The following ADAMTSL1 variants were observed in gnomAD, a reference collection of about 807,000 sequenced individuals.
ADAMTSL1 encodes the protein ADAMTS like 1.
A neutral mutation model predicts 201.8 loss-of-function variants in ADAMTSL1; 126 were observed. The observed-to-expected ratio is 0.62, with a 90% CI of 0.54 to 0.72. ADAMTSL1 has a LOEUF of 0.72. ADAMTSL1 is among the 30% of genes least tolerant of loss of function. The pLI, the probability that ADAMTSL1 is intolerant of heterozygous loss-of-function variation, is 0.00. For missense variants in ADAMTSL1, 2,679 were observed against 2,277.8 expected (o/e 1.18, Z -3.59); for synonymous variants, 1,121 against 903.4 (o/e 1.24, Z -4.32).
At chr9:18,565,073 A>G (rs1440234594) in intron 3 of ADAMTSL1, among the ~76,000 whole-genome samples, 1 of 152,230 alleles carries the variant, frequency 6.6e-6, no homozygotes, top group Non-Finnish European at 1.5e-5. Context: ...GGAAACATTA[A>G]AAACTAGCCT....
intron 1 of ADAMTSL1, among the ~76,000 whole-genome samples, chr9:17,936,128 C>T (rs1588442558): frequency 6.6e-6 from 1 of 152,156 alleles, no homozygotes; most frequent in Admixed American, 6.6e-5. Flanking sequence ...CATTTCTGCT[C>T]CCCTGATTTG....
At chr9:18,800,639 G>A (rs1360694884) in intron 20 of ADAMTSL1, among the ~76,000 whole-genome samples, 4 of 152,112 alleles carry the variant, frequency 2.6e-5, no homozygotes, top group Non-Finnish European at 4.4e-5. Context: ...CTCCCCAGTT[G>A]ACTAGAGGAA....
intron 2 of ADAMTSL1, among the ~76,000 whole-genome samples, chr9:18,207,945 T>C (rs548731610): frequency 6.7e-4 from 102 of 152,258 alleles, no homozygotes; most frequent in Non-Finnish European, 1.4e-3. Flanking sequence ...CTGTCTTGTA[T>C]GTCAGGAGCG....
chr9:18,902,852 A>AGACTC (rs978803341), intron 26 of ADAMTSL1, among the ~76,000 whole-genome samples: 44 of 152,336 alleles, frequency 2.9e-4, no homozygotes, highest in African/African-American at 9.9e-4. Context: ...AAAAGAGAGA[A>AGACTC]GACTCGAATT....
chr9:18,730,626 G>C (rs1313522020), intron 15 of ADAMTSL1, among the ~76,000 whole-genome samples: 1 of 152,186 alleles, frequency 6.6e-6, no homozygotes, highest in Non-Finnish European at 1.5e-5. Context: ...AGTGCACTTA[G>C]GTGTTTATGT....
intron 2 of ADAMTSL1, among the ~76,000 whole-genome samples, chr9:18,338,020 T>C: frequency 6.6e-6 from 1 of 152,080 alleles, no homozygotes; most frequent in East Asian, 1.9e-4. Context: ...GGAGAAAGAT[T>C]ATTTAGGATC....
chr9:18,760,409 C>T (rs1221133987), intron 16 of ADAMTSL1, among the ~76,000 whole-genome samples: 2 of 152,112 alleles, frequency 1.3e-5, no homozygotes, highest in African/African-American at 4.8e-5. Flanking sequence ...CACAGGTTCT[C>T]TCTTCAAGCC....
chr9:18,686,486 A>AG (rs981235093), intron 13 of ADAMTSL1, among the ~76,000 whole-genome samples: 2 of 152,124 alleles, frequency 1.3e-5, no homozygotes, highest in Non-Finnish European at 1.5e-5. Context: ...AGTTCTTTTT[A>AG]GGGGGGCATT....
chr9:18,283,325 C>G (rs1342613223), intron 2 of ADAMTSL1, among the ~76,000 whole-genome samples: 1 of 152,032 alleles, frequency 6.6e-6, no homozygotes, highest in Non-Finnish European at 1.5e-5. Flanking sequence ...CTATCTTTAA[C>G]CAGGTGTAGT....
chr9:18,504,720 C>G, intron 1 of ADAMTSL1, 109 bp from the exon 2 acceptor site: 1 of 1,482,652 alleles, frequency 6.7e-7, no homozygotes, highest in Non-Finnish European at 9.3e-7. Flanking sequence ...CGTTTTCATT[C>G]CTAGCAAAGC....
chr9:18,047,503 AG>A (rs1327454950), intron 1 of ADAMTSL1, among the ~76,000 whole-genome samples: 1 of 152,160 alleles, frequency 6.6e-6, no homozygotes, highest in Non-Finnish European at 1.5e-5. Context: ...ATCAGAAGGT[AG>A]TGACTGCAAG....
Position 18,777,785 on chromosome 9 carries a change from G to C in ADAMTSL1, c.3556G>C (p.Gly1186Arg). ...LSASEVVTHL[G>R]QTVALASGTL... The stretch of plus-strand genomic sequence containing the variant: ...AGCCTCGGAGGTGGTCACCCACCTG[G>C]GGCAGACGGTGGCCCTGGCCAGCGG... The change falls in exon 19 of 29, where the codon GGG becomes CGG. Residue 1186 changes from glycine to arginine, a missense_variant. Transcript: ENST00000380548. 1 of 1,613,776 alleles carries C rather than the reference G, an allele frequency of 6.2e-7. No individual in the cohort carries two copies. Among genetic ancestry groups the C allele is most frequent in the Non-Finnish European group, 8.5e-7 (1 of 1,179,844 alleles).
intron 2 of ADAMTSL1, among the ~76,000 whole-genome samples, chr9:18,404,414 C>T (rs867163422): frequency 2.0e-4 from 31 of 152,244 alleles, no homozygotes; most frequent in African/African-American, 7.5e-4. Flanking sequence ...TCAAAGAATG[C>T]AGGTTTTACG....
chr9:18,187,937 G>A (rs1435676896), intron 2 of ADAMTSL1, among the ~76,000 whole-genome samples: 1 of 152,052 alleles, frequency 6.6e-6, no homozygotes, highest in Non-Finnish European at 1.5e-5. Context: ...ATACATTTTT[G>A]TGATATCTAT....
At chr9:17,924,362 A>G (rs1826434113) in intron 1 of ADAMTSL1, among the ~76,000 whole-genome samples, 1 of 152,022 alleles carries the variant, frequency 6.6e-6, no homozygotes, top group African/African-American at 2.4e-5. Flanking sequence ...GGGAGAGTGT[A>G]TGTGTCGAGG....
intron 1 of ADAMTSL1, among the ~76,000 whole-genome samples, chr9:18,107,240 C>T (rs533241591): frequency 6.6e-6 from 1 of 152,310 alleles, no homozygotes; most frequent in Admixed American, 6.5e-5. Flanking sequence ...TGATACTTCT[C>T]ATCTCCCTTC....
chr9:18,307,875 A>C (rs1833970088), intron 2 of ADAMTSL1, among the ~76,000 whole-genome samples: 1 of 152,202 alleles, frequency 6.6e-6, no homozygotes, highest in Non-Finnish European at 1.5e-5. Flanking sequence ...TCTTCACCCA[A>C]AATCAACAGA....
intron 23 of ADAMTSL1, among the ~76,000 whole-genome samples, chr9:18,877,141 T>C (rs1284427688): frequency 6.6e-6 from 1 of 152,214 alleles, no homozygotes; most frequent in East Asian, 1.9e-4. Flanking sequence ...TTTCCATCCA[T>C]ATCCTGTATC....
At chr9:18,455,115 T>G (rs1247875152) in intron 2 of ADAMTSL1, among the ~76,000 whole-genome samples, 1 of 152,182 alleles carries the variant, frequency 6.6e-6, no homozygotes, top group Non-Finnish European at 1.5e-5. Flanking sequence ...TGAAAACTGT[T>G]TAGTCCATCA....
Sources: allele counts gnomAD v4.1 joint callset (sites outside exome capture counted in the v4.1 genomes callset), GRCh38; gene constraint gnomAD v4.1.1; transcripts MANE v1.5; gene names NCBI Gene and HGNC (gene_info 2026-07-23, HGNC 2026-07-21).